ARB2A: variants seen among roughly 807,000 people sequenced by gnomAD.
The protein encoded by ARB2A is ARB2 cotranscriptional regulator A, also known as cotranscriptional regulator ARB2A.
chr5:93,993,198 T>G, the ARB2A span, among the ~76,000 whole-genome samples: 1 of 152,130 alleles, frequency 6.6e-6, no homozygotes, highest in Non-Finnish European at 1.5e-5. Flanking sequence ...AATATGTAAC[T>G]TCAGTGATCT....
the ARB2A span, among the ~76,000 whole-genome samples, chr5:93,721,523 AG>A: frequency 6.6e-6 from 1 of 152,202 alleles, no homozygotes; most frequent in African/African-American, 2.4e-5. Context: ...ATGCACATGT[AG>A]GAACATGTGT....
At chr5:93,997,118 A>C in the ARB2A span, among the ~76,000 whole-genome samples, 1 of 152,014 alleles carries the variant, frequency 6.6e-6, no homozygotes, top group Non-Finnish European at 1.5e-5. Flanking sequence ...TAGTTTCTGT[A>C]TGCCAAGTGA....
At chr5:93,877,966 C>T in the ARB2A span, among the ~76,000 whole-genome samples, 1 of 151,994 alleles carries the variant, frequency 6.6e-6, no homozygotes, top group Non-Finnish European at 1.5e-5. Flanking sequence ...CATTTTCATC[C>T]ATAATTTTAG....
At chr5:93,815,231 C>G in the ARB2A span, among the ~76,000 whole-genome samples, 11 of 152,086 alleles carry the variant, frequency 7.2e-5, no homozygotes, top group Admixed American at 6.5e-4. Context: ...GTGTTAAAAA[C>G]CTGTAACAGA....
the ARB2A span, among the ~76,000 whole-genome samples, chr5:93,847,767 G>A: frequency 6.6e-6 from 1 of 152,176 alleles, no homozygotes. Flanking sequence ...TATGGATGAA[G>A]CACAGAAAGG....
chr5:93,743,460 TA>T, the ARB2A span: 1 of 834,440 alleles, frequency 1.2e-6, no homozygotes, highest in Non-Finnish European at 1.4e-6. Context: ...TGACAGTCTA[TA>T]AAAAACAGCT....
At chr5:93,857,800 C>T in the ARB2A span, among the ~76,000 whole-genome samples, 337 of 152,288 alleles carry the variant, frequency 2.2e-3, no homozygotes, top group African/African-American at 7.7e-3. Flanking sequence ...CACTGTCCTG[C>T]GCCCACGGTC....
the ARB2A span, chr5:93,737,354 C>T: frequency 6.6e-6 from 1 of 152,088 alleles, no homozygotes; most frequent in South Asian, 2.1e-4. Context: ...GATGACAACA[C>T]TCCCTAAAGC....
the ARB2A span, chr5:93,621,137 G>C: frequency 6.2e-7 from 1 of 1,600,704 alleles, no homozygotes. Flanking sequence ...TGCCTGCAAA[G>C]AACAACACAT....
chr5:93,839,923 A>G, the ARB2A span, among the ~76,000 whole-genome samples: 2 of 151,994 alleles, frequency 1.3e-5, no homozygotes, highest in South Asian at 4.1e-4. Context: ...TCTTATTTTC[A>G]TTATCAGGCT....
chr5:93,907,594 T>C, the ARB2A span, among the ~76,000 whole-genome samples: 3 of 151,484 alleles, frequency 2.0e-5, no homozygotes, highest in Non-Finnish European at 3.0e-5. Context: ...AAATGAATCA[T>C]TTAATATTCC....
At chr5:94,067,655 CATTA>C in the ARB2A span, among the ~76,000 whole-genome samples, 1 of 152,054 alleles carries the variant, frequency 6.6e-6, no homozygotes, top group Admixed American at 6.6e-5. Flanking sequence ...AACTATAAAA[CATTA>C]ATGAGAGAAA....
the ARB2A span, among the ~76,000 whole-genome samples, chr5:94,064,931 G>A: frequency 6.6e-5 from 10 of 152,042 alleles, no homozygotes; most frequent in Admixed American, 3.9e-4. Context: ...ACACAAATTC[G>A]AAGGGAAAGA....
chr5:93,903,010 G>C, the ARB2A span, among the ~76,000 whole-genome samples: 1 of 152,024 alleles, frequency 6.6e-6, no homozygotes, highest in Admixed American at 6.6e-5. Context: ...CATTTAGTAG[G>C]GGTGAATTCT....
chr5:93,972,386 A>C, the ARB2A span, among the ~76,000 whole-genome samples: 2 of 152,010 alleles, frequency 1.3e-5, no homozygotes, highest in Non-Finnish European at 2.9e-5. Flanking sequence ...CCAATCAATC[A>C]CAAACAATAC....
the ARB2A span, among the ~76,000 whole-genome samples, chr5:94,027,389 C>T: frequency 6.6e-6 from 1 of 152,210 alleles, no homozygotes; most frequent in Non-Finnish European, 1.5e-5. Flanking sequence ...TTTCATTCCC[C>T]ACCCTCACCT....
the ARB2A span, among the ~76,000 whole-genome samples, chr5:94,017,933 T>A: frequency 1.3e-5 from 2 of 152,132 alleles, no homozygotes; most frequent in Admixed American, 6.5e-5. Flanking sequence ...TCCATGCTAT[T>A]CTTGTGATAG....
At chr5:94,050,788 A>G in the ARB2A span, 1 of 1,612,928 alleles carries the variant, frequency 6.2e-7, no homozygotes, top group Admixed American at 1.7e-5. Flanking sequence ...CCCGGTAGTT[A>G]AAAACAAATG....
the ARB2A span, among the ~76,000 whole-genome samples, chr5:93,641,941 A>G: frequency 6.6e-6 from 1 of 152,180 alleles, no homozygotes; most frequent in Non-Finnish European, 1.5e-5. Flanking sequence ...TTGCCAGTTT[A>G]TGGCTAAACA....
Sources: gnomAD v4.1 joint callset for allele counts (sites outside exome capture counted in the v4.1 genomes callset) on GRCh38, gnomAD v4.1.1 for gene constraint, MANE v1.5 for transcripts, NCBI Gene and HGNC (gene_info 2026-07-23, HGNC 2026-07-21) for gene names.